NR3C2: variants seen among roughly 807,000 people sequenced by gnomAD.
NR3C2 encodes the protein mineralocorticoid receptor.
A neutral mutation model predicts 86.4 loss-of-function variants in NR3C2; 15 were observed. That is an observed-to-expected ratio of 0.17 (90% CI 0.12 to 0.27). NR3C2 has a LOEUF of 0.27. Ranked by LOEUF, NR3C2 falls within the 10% of genes least tolerant of loss-of-function variation. The probability of loss-of-function intolerance (pLI) is 1.00; values close to 1 mark genes in which losing one functional copy is unlikely to be tolerated. For missense variants in NR3C2, 960 were observed against 1,195.6 expected (o/e 0.80, Z 2.91); for synonymous variants, 458 against 450.5 (o/e 1.02, Z -0.21).
chr4:148,090,270 G>T (rs1015601988), intron 8 of NR3C2, among the ~76,000 whole-genome samples: 4 of 152,208 alleles, frequency 2.6e-5, no homozygotes, highest in African/African-American at 9.7e-5. Context: ...ACGAGGGAAG[G>T]GAGGAGGTGC....
In NR3C2 at chr4:148,154,863, G is replaced by A. The variant is rs1734285403; in HGVS notation, c.2053C>T (p.His685Tyr). ...SKKLGKLKGI[H>Y]EEQPQQQQPP... ...TGCTGCTGCTGTGGCTGCTCCTCGT[G>A]AATCCCTTTTAACTTTCCCAACTTC... The change falls in exon 5 of 9, where the codon CAC becomes TAC. Residue 685 changes from histidine to tyrosine, a missense_variant. Coordinates refer to ENST00000358102, the MANE Select transcript of NR3C2 (RefSeq NM_000901.5). The A allele has an allele frequency of 1.3e-6, 2 of 1,580,478 alleles. No individual in the cohort carries two copies. Among genetic ancestry groups the A allele is most frequent in the South Asian group, 2.3e-5 (2 of 86,678 alleles).
chr4:148,413,754 A>G (rs544290079), intron 2 of NR3C2, among the ~76,000 whole-genome samples: 1 of 152,300 alleles, frequency 6.6e-6, no homozygotes, highest in East Asian at 1.9e-4. Flanking sequence ...GAGGAGATTC[A>G]CATTTAAATT....
chr4:148,280,404 A>C lies in NR3C2; in HGVS notation c.1758-20287T>G, dbSNP rs1274915600. Among the ~76,000 whole-genome samples, 7 of 152,350 alleles carry C rather than the reference A, an allele frequency of 4.6e-5. No individual in the cohort carries two copies. In the East Asian group the frequency reaches 1.3e-3, roughly 29 times the overall value. On this transcript the variant is annotated intron_variant, in intron 2 of 8. Coordinates refer to ENST00000358102, the MANE Select transcript of NR3C2 (RefSeq NM_000901.5). ...ACAAGCAATACCGAAAAGAATGTCAATTACAGTAAAGAAAAAGAAAACAGT... is the reference window on the plus strand; with the variant it reads ...ACAAGCAATACCGAAAAGAATGTCACTTACAGTAAAGAAAAAGAAAACAGT...
chr4:148,297,354 A>T (rs967964111), intron 2 of NR3C2, among the ~76,000 whole-genome samples: 1 of 152,262 alleles, frequency 6.6e-6, no homozygotes, highest in East Asian at 1.9e-4. Flanking sequence ...GCACATTTCA[A>T]AAGACTATGC....
At chr4:148,252,280 T>C (rs574369297) in intron 3 of NR3C2, among the ~76,000 whole-genome samples, 97 of 152,328 alleles carry the variant, frequency 6.4e-4, no homozygotes, top group African/African-American at 2.3e-3. Context: ...ATAGTCAATG[T>C]TTTCCCTATG....
upstream of NR3C2, chr4:148,444,235 A>C (rs1486190614): frequency 2.1e-6 from 2 of 944,072 alleles, no homozygotes; most frequent in Non-Finnish European, 2.5e-6. Context: ...TGTCTCTTTT[A>C]CTAAGTTTTT....
intron 2 of NR3C2, among the ~76,000 whole-genome samples, chr4:148,267,100 C>T (rs910713906): frequency 6.6e-6 from 1 of 152,160 alleles, no homozygotes; most frequent in African/African-American, 2.4e-5. Context: ...GGTTTATTAA[C>T]TGTGTGCCAC....
chr4:148,442,999 T>C (rs1391112186), upstream of NR3C2: 2 of 984,870 alleles, frequency 2.0e-6, no homozygotes, highest in African/African-American at 3.5e-5. Flanking sequence ...CCCAACAGCG[T>C]CCGCGCGCGG....
At chr4:148,187,175 T>C (rs1271466558) in intron 4 of NR3C2, among the ~76,000 whole-genome samples, 2 of 151,662 alleles carry the variant, frequency 1.3e-5, no homozygotes, top group Non-Finnish European at 2.9e-5. Context: ...GTTATAAACA[T>C]GCGTGTACAA....
At chr4:148,419,664 G>T (rs1005882327) in intron 2 of NR3C2, among the ~76,000 whole-genome samples, 1 of 152,146 alleles carries the variant, frequency 6.6e-6, no homozygotes, top group Non-Finnish European at 1.5e-5. Flanking sequence ...TCAATCTGCA[G>T]TGTACTGTTT....
chr4:148,433,948 G>A (rs996042207), intron 2 of NR3C2, among the ~76,000 whole-genome samples: 2 of 152,124 alleles, frequency 1.3e-5, no homozygotes, highest in African/African-American at 2.4e-5. Context: ...TTTATGAAAT[G>A]TTTGCTTCCA....
At chr4:148,395,133 C>G (rs980367630) in intron 2 of NR3C2, among the ~76,000 whole-genome samples, 2 of 151,700 alleles carry the variant, frequency 1.3e-5, no homozygotes, top group Non-Finnish European at 2.9e-5. Context: ...TAAATACACA[C>G]GTGTGTGTAT....
intron 2 of NR3C2, among the ~76,000 whole-genome samples, chr4:148,378,693 G>T (rs1432081576): frequency 6.6e-6 from 1 of 152,172 alleles, no homozygotes; most frequent in Admixed American, 6.5e-5. Context: ...GATGTCTGAG[G>T]CCTCCCCAGA....
At chr4:148,271,244 T>G (rs145641959) in intron 2 of NR3C2, among the ~76,000 whole-genome samples, 1 of 152,336 alleles carries the variant, frequency 6.6e-6, no homozygotes, top group Admixed American at 6.5e-5. Flanking sequence ...TTCTGATCCA[T>G]TTCACTGTTT....
intron 2 of NR3C2, among the ~76,000 whole-genome samples, chr4:148,352,170 C>A (rs1238805289): frequency 6.6e-6 from 1 of 152,092 alleles, no homozygotes; most frequent in Non-Finnish European, 1.5e-5. Flanking sequence ...AGTGTACTAC[C>A]CACTTTCCAG....
chr4:148,409,770 A>G (rs1994624), intron 2 of NR3C2, among the ~76,000 whole-genome samples: 88,453 of 151,870 alleles, frequency 0.58, 26,150 homozygotes, highest in East Asian at 0.7. Flanking sequence ...TATATCTCAA[A>G]TAAGTTCACG....
intron 4 of NR3C2, among the ~76,000 whole-genome samples, chr4:148,174,003 T>C (rs1237504187): frequency 1.3e-5 from 2 of 152,172 alleles, no homozygotes; most frequent in South Asian, 2.1e-4. Context: ...TGTTTCTGGG[T>C]TGAAAACAAA....
Position 148,435,717 on chromosome 4 carries a change from T to A in NR3C2, c.1144A>T (p.Ser382Cys). 3.1e-6 allele frequency: 5 copies of A among 1,614,198 alleles called. No individual in the cohort carries two copies. The highest frequency in any genetic ancestry group is 4.2e-6 in the Non-Finnish European group (5 of 1,180,040). Residue 382 changes from serine (S) to cysteine (C), a missense_variant, in exon 2 of 9, where the codon AGT becomes TGT. Ser to Cys is a moderately radical substitution (Grantham distance 112). Coordinates refer to ENST00000358102, the MANE Select transcript of NR3C2 (RefSeq NM_000901.5). ...CCAGTCACACCATTTGAGATGGCACTCTCTACTTCCTCAGTCTTAGGAAAA... is the reference window on the plus strand; with the variant it reads ...CCAGTCACACCATTTGAGATGGCACACTCTACTTCCTCAGTCTTAGGAAAA... ...VPFPKTEEVE[S>C]AISNGVTGQL... is the part of the protein sequence containing the mutation.
At chr4:148,369,694 T>C (rs548268871) in intron 2 of NR3C2, among the ~76,000 whole-genome samples, 15 of 152,332 alleles carry the variant, frequency 9.8e-5, no homozygotes, top group Admixed American at 7.8e-4. Flanking sequence ...CCCACTCTGA[T>C]TTCATTAAAT....
Sources: gnomAD v4.1 joint callset for allele counts (sites outside exome capture counted in the v4.1 genomes callset) on GRCh38, gnomAD v4.1.1 for gene constraint, MANE v1.5 for transcripts, NCBI Gene and HGNC (gene_info 2026-07-23, HGNC 2026-07-21) for gene names.